MMP21: variants seen among roughly 807,000 people sequenced by gnomAD.
MMP21 encodes the protein matrix metallopeptidase 21, also known as matrix metalloproteinase-21.
A neutral mutation model predicts 47.8 loss-of-function variants in MMP21; 40 were observed. The observed-to-expected ratio is 0.84, with a 90% CI of 0.65 to 1.09. The LOEUF is 1.09. Among genes scored for constraint, MMP21 ranks in the 50% least tolerant of loss-of-function variants. The pLI is 0.00. For synonymous variants in MMP21, 341 were observed against 318.0 expected (o/e 1.07, Z -0.77); for missense variants, 747 against 775.3 (o/e 0.96, Z 0.43).
chr10:125,767,565 T>C lies in MMP21; in HGVS notation c.1377A>G (p.Arg459=), dbSNP rs1399980503. Residue 459 remains arginine (R), a synonymous_variant, in exon 6 of 7, where the codon AGA becomes AGG. Transcript: ENST00000368808. The part of the protein sequence containing the change: ...SPLDTAFYDR[R]QKLIYFFKES... ...CCTTGAAGAAGTAAATTAACTTCTG[T>C]CTTCGGTCATAAAACGCCGTGTCTA... The C allele has an allele frequency of 6.2e-7, 1 of 1,614,206 alleles. No homozygotes were observed. The highest frequency in any genetic ancestry group is 2.2e-5 in the East Asian group (1 of 44,888).
At chr10:125,767,288 C>T (rs1850396936) in intron 6 of MMP21, among the ~76,000 whole-genome samples, 1 of 152,178 alleles carries the variant, frequency 6.6e-6, no homozygotes, top group African/African-American at 2.4e-5. Flanking sequence ...GCACGTGCCA[C>T]CACACCTGGA....
chr10:125,774,830 G>A (rs1048237999), intron 1 of MMP21, among the ~76,000 whole-genome samples: 3 of 152,212 alleles, frequency 2.0e-5, no homozygotes, highest in Non-Finnish European at 2.9e-5. Context: ...GGAAGTCCGG[G>A]CGTGGCCACA....
Position 125,775,663 on chromosome 10 carries a change from A to G in MMP21, c.159T>C (p.Ala53=). ...QAKPIADLHA[A]QRFLSRYGWS... ...TGTTCTTCCAGCTTCCTCCTACCTG[A>G]GCAGCGTGGAGGTCGGCAATGGGCT... is the stretch of plus-strand genomic sequence containing the variant. The change falls in exon 1 of 7, where the codon GCT becomes GCC. Residue 53 remains alanine (A), a synonymous_variant. Transcript: ENST00000368808. 4 of 1,603,990 alleles carry G rather than the reference A, an allele frequency of 2.5e-6. No homozygotes were observed. The highest frequency in any genetic ancestry group is 3.4e-6 in the Non-Finnish European group (4 of 1,174,592).
In MMP21 at chr10:125,773,723, G is replaced by T; in HGVS notation, c.697+108C>A. ...CCGCTGACAGGTGCCCCCGGGACAG[G>T]CCGGGAGGGCTTAGCCCCCCATTCT... On this transcript the variant is annotated intron_variant, in intron 2 of 6. Transcript: ENST00000368808. This position sits in a 1 kb window ranked among gnomAD's most constrained non-coding sequence, Gnocchi z 4.8. 9 of 1,369,454 alleles carry T rather than the reference G, an allele frequency of 6.6e-6. No homozygotes were observed. Among genetic ancestry groups the T allele is most frequent in the Non-Finnish European group, 8.5e-6 (9 of 1,055,764 alleles). 84.8% of individuals were successfully genotyped at this position (1,369,454 alleles called of 1,614,324 possible). A position where few individuals can be genotyped will look rare whatever the true frequency, so the allele number is the denominator to read the frequency against.
chr10:125,773,888 G>A lies in MMP21; in HGVS notation c.640C>T (p.Arg214Cys). 4 of 1,578,848 alleles carry A rather than the reference G, an allele frequency of 2.5e-6. No homozygotes were observed. The highest frequency in any genetic ancestry group is 1.7e-5 in the Admixed American group (1 of 58,280). The change falls in exon 2 of 7, where the codon CGC (arginine) becomes TGC (cysteine). Residue 214 changes from arginine (R) to cysteine (C), a missense_variant. Arg to Cys is a radical substitution (Grantham distance 180). Coordinates refer to ENST00000368808, the MANE Select transcript of MMP21 (RefSeq NM_147191.1). The surrounding 1 kb of genome is among the most constrained non-coding windows in gnomAD (Gnocchi z 4.8). ...MWSEVTPLDF[R>C]EDLAAPGAAV... ...GCCCCGGGGGCGGCCAGGTCCTCGC[G>A]GAAGTCCAGCGGCGTCACCTCGCTC...
intron 4 of MMP21, among the ~76,000 whole-genome samples, chr10:125,771,326 CTGT>C (rs746708873): frequency 3.3e-5 from 5 of 152,058 alleles, no homozygotes; most frequent in South Asian, 2.1e-4. Context: ...TGTGTCCTGG[CTGT>C]TGTTGTCTCC....
chr10:125,772,204 C>T lies in MMP21; in HGVS notation c.979+14G>A, dbSNP rs201203240. 234 of 1,613,910 alleles carry T rather than the reference C, an allele frequency of 1.4e-4. No individual in the cohort carries two copies. The highest frequency in any genetic ancestry group is 1.8e-4 in the Non-Finnish European group (214 of 1,179,862). ...CCTCCGCTAGCTCAGGGATGCCCTC[C>T]GCAGCAGTCTTACCATACAGCTTTT... is the stretch of plus-strand genomic sequence containing the variant. On this transcript the variant is annotated intron_variant, in intron 4 of 6. Transcript: ENST00000368808. The surrounding 1 kb of genome is among the most constrained non-coding windows in gnomAD (Gnocchi z 5.6).
Position 125,770,492 on chromosome 10 carries a change from C to G in MMP21, c.1079G>C (p.Arg360Pro). The G allele has an allele frequency of 6.2e-7, 1 of 1,614,108 alleles. No individual in the cohort carries two copies. Among genetic ancestry groups the G allele is most frequent in the Non-Finnish European group, 8.5e-7 (1 of 1,180,032 alleles). ...TTCATAAAGCCAGTACCAGCTGTTA[C>G]GGAAGAAATATGTGCTAAATCTCAC... is the stretch of plus-strand genomic sequence containing the variant. ...VMVRFSTYFFRNSWYWLYENR... is the reference protein window; with the variant it reads ...VMVRFSTYFFPNSWYWLYENR... Residue 360 changes from arginine (R) to proline (P), a missense_variant, in exon 5 of 7, where the codon CGT (arginine) becomes CCT (proline). Physicochemically the swap from Arg to Pro is moderately radical, Grantham distance 103. Coordinates refer to ENST00000368808, the MANE Select transcript of MMP21 (RefSeq NM_147191.1).
rs1209731503 is a variant in MMP21 at position 125,774,354 on chromosome 10, G to C, written c.174C>G (p.Ser58=). ...CCCACACCCCTGACCAGCCGTATCT[G>C]GACAGGAACCGCTGTGGGAGAGAAA... ...ADLHAAQRFL[S]RYGWSGVWAA... Residue 58 remains serine (S), a synonymous_variant, in exon 2 of 7, where the codon TCC becomes TCG. Coordinates refer to ENST00000368808, the MANE Select transcript of MMP21 (RefSeq NM_147191.1). 1.2e-5 allele frequency: 16 copies of C among 1,369,036 alleles called. No individual in the cohort carries two copies. The highest frequency in any genetic ancestry group is 1.5e-5 in the Non-Finnish European group (16 of 1,065,216). 84.8% of individuals were successfully genotyped at this position (1,369,036 alleles called of 1,614,324 possible). A position where few individuals can be genotyped will look rare whatever the true frequency, so the allele number is the denominator to read the frequency against.
In MMP21 at chr10:125,772,394, A is replaced by G. The variant is rs1326017612; in HGVS notation, c.838-35T>C. ...GACACACACCATGGGTGCTGGGTGA[A>G]GCCTGGGCGATGGATCCCTGCATAA... On this transcript the variant is annotated intron_variant, in intron 3 of 6. Transcript: ENST00000368808. The surrounding 1 kb of genome is among the most constrained non-coding windows in gnomAD (Gnocchi z 5.6). 1.9e-6 allele frequency: 3 copies of G among 1,612,640 alleles called. No individual in the cohort carries two copies. The highest frequency in any genetic ancestry group is 1.7e-6 in the Non-Finnish European group (2 of 1,179,382).
intron 4 of MMP21, among the ~76,000 whole-genome samples, chr10:125,770,825 C>T (rs532449056): frequency 1.4e-5 from 2 of 144,258 alleles, no homozygotes; most frequent in African/African-American, 5.2e-5. Flanking sequence ...CCAGCCTGGG[C>T]AACATGGTGA....
At position 125,773,879 on chromosome 10, in the gene MMP21, G is replaced by T. The variant is rs1431482057; in HGVS notation, c.649C>A (p.Leu217Met). 1 of 1,576,582 alleles carries T rather than the reference G, an allele frequency of 6.3e-7. No homozygotes were observed. The highest frequency in any genetic ancestry group is 1.7e-5 in the Admixed American group (1 of 57,980). Residue 217 changes from leucine (L) to methionine (M), a missense_variant, in exon 2 of 7, where the codon CTG (leucine) becomes ATG (methionine). Physicochemically the swap from Leu to Met is conservative, Grantham distance 15 (BLOSUM62 2). Transcript: ENST00000368808. The surrounding 1 kb of genome is among the most constrained non-coding windows in gnomAD (Gnocchi z 4.8). The part of the protein sequence containing the change: ...EVTPLDFRED[L>M]AAPGAAVDIK... ...TCGACCGCGGCCCCGGGGGCGGCCA[G>T]GTCCTCGCGGAAGTCCAGCGGCGTC... is the stretch of plus-strand genomic sequence containing the variant.
chr10:125,770,557 G>A lies in MMP21; in HGVS notation c.1014C>T (p.Asp338=). The change falls in exon 5 of 7, where the codon GAC becomes GAT. Residue 338 remains aspartate (D), a synonymous_variant. Transcript: ENST00000368808. ...SCEGSFDTAF[D]WIRKERNQYG... is the part of the protein sequence containing the mutation. ...ATTGGTTTCTCTCTTTGCGAATCCA[G>A]TCAAACGCAGTATCAAATGATCCCT... The A allele has an allele frequency of 6.2e-7, 1 of 1,614,094 alleles. No homozygotes were observed. Among genetic ancestry groups the A allele is most frequent in the African/African-American group, 1.3e-5 (1 of 75,030 alleles).
At chr10:125,769,609 T>C (rs1298156178) in intron 5 of MMP21, among the ~76,000 whole-genome samples, 1 of 152,210 alleles carries the variant, frequency 6.6e-6, no homozygotes, top group Non-Finnish European at 1.5e-5. Context: ...CCACCCATCC[T>C]TGAGTCTAGG....
At chr10:125,767,023 AT>A in intron 6 of MMP21, 62 bp from the exon 7 acceptor site, 2 of 1,353,174 alleles carry the variant, frequency 1.5e-6, no homozygotes, top group Non-Finnish European at 2.0e-6. Flanking sequence ...TGGTTAATTT[AT>A]AACAATGAGA....
Position 125,773,742 on chromosome 10 carries a change from C to G in MMP21, c.697+89G>C. 7.0e-7 allele frequency: 1 copy of G among 1,420,692 alleles called. No homozygotes were observed. Among genetic ancestry groups the G allele is most frequent in the Non-Finnish European group, 9.2e-7 (1 of 1,091,888 alleles). The allele number at this position is 1,420,692 out of a possible 1,614,324, so 88.0% of individuals were successfully genotyped here. ...GGACAGGCCGGGAGGGCTTAGCCCC[C>G]CATTCTGCAGGTGGCCGAGGTGGGG... is the stretch of plus-strand genomic sequence containing the variant. On this transcript the variant is annotated intron_variant, in intron 2 of 6. Transcript: ENST00000368808. This position sits in a 1 kb window ranked among gnomAD's most constrained non-coding sequence, Gnocchi z 4.8.
At chr10:125,771,744 C>T (rs1207475084) in intron 4 of MMP21, among the ~76,000 whole-genome samples, 1 of 152,198 alleles carries the variant, frequency 6.6e-6, no homozygotes, top group Non-Finnish European at 1.5e-5. Context: ...GCTTTCTTCC[C>T]TTGGGCCTCG....
chr10:125,766,582 A>C lies in MMP21; in HGVS notation c.*80T>G. On this transcript the variant is annotated 3_prime_UTR_variant, in exon 7 of 7. Coordinates refer to ENST00000368808, the MANE Select transcript of MMP21 (RefSeq NM_147191.1). ...TTACAGTGCCATATTTTCTTCAGCTACTGAAAATCCGGTTTTCTTTGTAAA... is the reference window on the plus strand; with the variant it reads ...TTACAGTGCCATATTTTCTTCAGCTCCTGAAAATCCGGTTTTCTTTGTAAA... 1 of 1,215,884 alleles carries C rather than the reference A, an allele frequency of 8.2e-7. No individual in the cohort carries two copies. Among genetic ancestry groups the C allele is most frequent in the Non-Finnish European group, 1.1e-6 (1 of 884,232 alleles). The allele number at this position is 1,215,884 out of a possible 1,614,324, so 75.3% of individuals were successfully genotyped here. A position where few individuals can be genotyped will look rare whatever the true frequency, so the allele number is the denominator to read the frequency against.
chr10:125,772,157 A>G lies in MMP21; in HGVS notation c.979+61T>C. 1.3e-6 allele frequency: 2 copies of G among 1,594,130 alleles called. No individual in the cohort carries two copies. Among genetic ancestry groups the G allele is most frequent in the Non-Finnish European group, 1.7e-6 (2 of 1,165,162 alleles). On this transcript the variant is annotated intron_variant, in intron 4 of 6. Coordinates refer to ENST00000368808, the MANE Select transcript of MMP21 (RefSeq NM_147191.1). The surrounding 1 kb of genome is among the most constrained non-coding windows in gnomAD (Gnocchi z 5.6). ...CCCAGTGAGGAGTGAGCGGGGTCCTACAGTGCTCTGGAATACAGTGTCCTC... is the reference window on the plus strand; with the variant it reads ...CCCAGTGAGGAGTGAGCGGGGTCCTGCAGTGCTCTGGAATACAGTGTCCTC...
Sources: gnomAD v4.1 joint callset for allele counts (sites outside exome capture counted in the v4.1 genomes callset) on GRCh38, gnomAD v4.1.1 for gene constraint, Gnocchi (gnomAD v3.1) non-coding constraint, MANE v1.5 for transcripts, NCBI Gene and HGNC (gene_info 2026-07-23, HGNC 2026-07-21) for gene names.